ENOX2: variants seen among roughly 807,000 people sequenced by gnomAD.
ENOX2 encodes APK1 antigen.
A neutral mutation model predicts 45.0 loss-of-function variants in ENOX2; 36 were observed. That is an observed-to-expected ratio of 0.80 (90% CI 0.61 to 1.06). ENOX2 has a LOEUF of 1.06. Among genes scored for constraint, ENOX2 ranks in the 50% least tolerant of loss-of-function variants. The pLI is 0.00. For synonymous variants in ENOX2, 174 were observed against 152.3 expected, an observed-to-expected ratio of 1.14 and a Z score of -1.05; for missense variants, 423 against 462.5, an observed-to-expected ratio of 0.91 and a Z score of 0.78.
chrX:130,781,692 G>A (rs1263916330), intron 3 of ENOX2, among the ~76,000 whole-genome samples: 1 of 111,836 alleles, frequency 8.9e-6, no homozygotes, highest in East Asian at 2.8e-4. Context: ...TAAATTCTGT[G>A]CACTCTATCC....
chrX:130,794,997 G>T (rs1471155052), intron 2 of ENOX2, among the ~76,000 whole-genome samples: 3 of 111,692 alleles, frequency 2.7e-5, no homozygotes, highest in African/African-American at 9.7e-5. Context: ...CCTCCCTCCT[G>T]GCTCCCACCC....
rs2039063974 is a variant in ENOX2 at position 130,744,851 on chromosome X, A to C, written c.-39+38696T>G. Among the ~76,000 whole-genome samples the C allele has an allele frequency of 1.8e-5, 2 of 111,583 alleles. 1 individual carries two copies. The highest frequency in any genetic ancestry group is 1.9e-4 in the Admixed American group (2 of 10,567). ...GGCCACACAGCAGGAGGTGAGCAGC[A>C]GGTGAGTGAGCATTACAGCCTGAGC... On this transcript the variant is annotated intron_variant, in intron 3 of 14. Coordinates refer to ENST00000394363, the MANE Select transcript of ENOX2 (RefSeq NM_006375.4).
At chrX:130,830,472 CT>C (rs1278392433) in intron 2 of ENOX2, among the ~76,000 whole-genome samples, 2 of 111,765 alleles carry the variant, frequency 1.8e-5, no homozygotes, top group Non-Finnish European at 3.8e-5. Context: ...AGAAGTAGCT[CT>C]TTCATCTTCC....
At chrX:130,770,620 C>A (rs2039717657) in intron 3 of ENOX2, among the ~76,000 whole-genome samples, 2 of 111,025 alleles carry the variant, frequency 1.8e-5, no homozygotes, top group African/African-American at 6.5e-5. Context: ...ATAAAAGAAA[C>A]ACAAAGGACT....
intron 6 of ENOX2, among the ~76,000 whole-genome samples, chrX:130,677,781 T>C (rs2037191746): frequency 9.0e-6 from 1 of 111,242 alleles, no homozygotes; most frequent in Admixed American, 9.5e-5. Context: ...AATAAATTCC[T>C]TTTCTTTATA....
intron 2 of ENOX2, among the ~76,000 whole-genome samples, chrX:130,892,373 T>C (rs1465322181): frequency 1.8e-5 from 2 of 112,396 alleles, no homozygotes; most frequent in Non-Finnish European, 3.8e-5. Context: ...TTAGCAGCAG[T>C]TGTCCCTAGT....
intron 13 of ENOX2, among the ~76,000 whole-genome samples, chrX:130,630,964 AAAAC>A (rs76578446): frequency 0.14 from 13,858 of 99,835 alleles, 844 homozygotes; most frequent in East Asian, 0.28. Flanking sequence ...TCTGGAGGTT[AAAAC>A]AAACAAACAA....
chrX:130,871,656 C>A (rs1212824664), intron 2 of ENOX2, among the ~76,000 whole-genome samples: 2 of 110,814 alleles, frequency 1.8e-5, no homozygotes, highest in Non-Finnish European at 3.8e-5. Flanking sequence ...ATATTATGTG[C>A]CTTTATCCTA....
At chrX:130,656,538 C>T (rs753930686) in intron 10 of ENOX2, 43 bp downstream of exon 10, 7 of 813,664 alleles carry the variant, frequency 8.6e-6, no homozygotes, top group Middle Eastern at 3.3e-4. Flanking sequence ...ATCATGTCTG[C>T]AAGTACATGT....
At chrX:130,818,215 G>A (rs1172224797) in intron 2 of ENOX2, among the ~76,000 whole-genome samples, 1 of 111,110 alleles carries the variant, frequency 9.0e-6, no homozygotes, top group East Asian at 2.8e-4. Flanking sequence ...ACTCTTCAAG[G>A]AGAACTACAA....
intron 8 of ENOX2, among the ~76,000 whole-genome samples, chrX:130,666,281 T>C (rs2036830184): frequency 8.9e-6 from 1 of 112,173 alleles, no homozygotes; most frequent in Non-Finnish European, 1.9e-5. Flanking sequence ...CTAAGATGGA[T>C]TGAATCTTTT....
At chrX:130,733,350 C>CTT (rs34420863) in intron 3 of ENOX2, among the ~76,000 whole-genome samples, 11 of 99,872 alleles carry the variant, frequency 1.1e-4, no homozygotes, top group Non-Finnish European at 1.8e-4. Context: ...GTTAGAATGG[C>CTT]TTTTTTTTTT....
intron 3 of ENOX2, among the ~76,000 whole-genome samples, chrX:130,734,284 T>A (rs1302102371): frequency 1.8e-5 from 2 of 112,018 alleles, no homozygotes; most frequent in Non-Finnish European, 3.8e-5. Flanking sequence ...CTACTAAAGT[T>A]CCTGAAAGTC....
intron 3 of ENOX2, among the ~76,000 whole-genome samples, chrX:130,763,112 A>G (rs1249026141): frequency 8.0e-5 from 9 of 111,958 alleles, no homozygotes; most frequent in Admixed American, 4.7e-4. Context: ...AATGTAGTCT[A>G]CTTTATCTTA....
Position 130,811,014 on chromosome X carries a change from G to C in ENOX2, c.-182-27324C>G, listed in dbSNP as rs185588417. Reference sequence around the variant, plus strand: ...ACCAGGCCTGCTTCAGAAAACCCAGGGTACTGCCCACCCCAGTAGACCCTG... The same window carrying C: ...ACCAGGCCTGCTTCAGAAAACCCAGCGTACTGCCCACCCCAGTAGACCCTG... On this transcript the variant is annotated intron_variant, in intron 2 of 14. Coordinates refer to ENST00000394363, the MANE Select transcript of ENOX2 (RefSeq NM_006375.4). Among the ~76,000 whole-genome samples, 24 of 111,919 alleles carry C rather than the reference G, an allele frequency of 2.1e-4. No homozygotes were observed. The East Asian group carries it at 3.7e-3, about 17-fold the overall frequency.
chrX:130,834,258 T>A (rs1020780989), intron 2 of ENOX2, among the ~76,000 whole-genome samples: 1 of 111,413 alleles, frequency 9.0e-6, no homozygotes, highest in East Asian at 2.8e-4. Flanking sequence ...CTCAGGCACA[T>A]CCCCTTTAGT....
intron 2 of ENOX2, among the ~76,000 whole-genome samples, chrX:130,869,720 T>G (rs757472233): frequency 3.6e-5 from 4 of 112,089 alleles, no homozygotes; most frequent in Non-Finnish European, 5.6e-5. Context: ...AAATTCTTTT[T>G]GTTCTCTTTT....
At chrX:130,768,943 A>T (rs1477852134) in intron 3 of ENOX2, among the ~76,000 whole-genome samples, 1 of 111,190 alleles carries the variant, frequency 9.0e-6, no homozygotes, top group Non-Finnish European at 1.9e-5. Flanking sequence ...GAAGAAGATG[A>T]TCGGTCTAAG....
At chrX:130,852,841 G>A (rs899867078) in intron 2 of ENOX2, among the ~76,000 whole-genome samples, 2 of 110,904 alleles carry the variant, frequency 1.8e-5, no homozygotes, top group Non-Finnish European at 3.8e-5. Flanking sequence ...CATTATGTAC[G>A]GGAGATCATA....
Sources: allele counts gnomAD v4.1 joint callset (sites outside exome capture counted in the v4.1 genomes callset), GRCh38; gene constraint gnomAD v4.1.1; transcripts MANE v1.5; gene names NCBI Gene and HGNC (gene_info 2026-07-23, HGNC 2026-07-21).